Variants in GALNT13 observed in about 807,000 individuals in gnomAD.
The protein encoded by GALNT13 is UDP-GalNAc:polypeptide N-acetylgalactosaminyltransferase 13.
In GALNT13, 28 loss-of-function variants were observed where a neutral mutation model predicts 64.2. The observed-to-expected ratio is 0.44, with a 90% CI of 0.32 to 0.60. GALNT13 has a LOEUF of 0.60. GALNT13 is among the 20% of genes least tolerant of loss of function. The pLI, the probability that GALNT13 is intolerant of heterozygous loss-of-function variation, is 0.05. For missense variants in GALNT13, 577 were observed against 669.8 expected (o/e 0.86, Z 1.53); for synonymous variants, 214 against 224.6 (o/e 0.95, Z 0.42).
chr2:153,114,264 GC>G, the GALNT13 span, among the ~76,000 whole-genome samples: 1 of 152,084 alleles, frequency 6.6e-6, no homozygotes, highest in Non-Finnish European at 1.5e-5. Context: ...CCTCTCTGGA[GC>G]TGTGACTTCT....
chr2:153,719,770 C>G, the GALNT13 span, among the ~76,000 whole-genome samples: 2 of 151,554 alleles, frequency 1.3e-5, no homozygotes, highest in East Asian at 3.9e-4. Flanking sequence ...AAAAACGGCG[C>G]ACCACGAGAC....
In GALNT13 at chr2:153,926,796, G is replaced by A. The variant is rs114433468; in HGVS notation, c.-104-17598G>A. Among the ~76,000 whole-genome samples, 787 of 152,132 alleles carry A rather than the reference G, an allele frequency of 5.2e-3. 10 individuals are homozygous for A. Among genetic ancestry groups the A allele is most frequent in the African/African-American group, 0.017 (724 of 41,518 alleles). ...ATCAGATGAGTCAGAAATTTAGTCC[G>A]TATCACTATTATTGGTGATTTTCTT... On this transcript the variant is annotated intron_variant, in intron 2 of 12. Transcript: ENST00000392825.
intron 1 of GALNT13, among the ~76,000 whole-genome samples, chr2:153,878,755 C>A (rs1686569219): frequency 6.6e-6 from 1 of 152,160 alleles, no homozygotes; most frequent in South Asian, 2.1e-4. Flanking sequence ...ATTTTTACTT[C>A]TTTGCCTTGG....
chr2:154,081,203 A>G (rs1161686471), intron 3 of GALNT13, among the ~76,000 whole-genome samples: 1 of 151,428 alleles, frequency 6.6e-6, no homozygotes, highest in African/African-American at 2.4e-5. Context: ...CTCGTTGCTA[A>G]TCTCCACCCT....
chr2:154,173,110 G>A (rs537093832), intron 4 of GALNT13, among the ~76,000 whole-genome samples: 6 of 152,008 alleles, frequency 3.9e-5, no homozygotes, highest in South Asian at 2.1e-4. Context: ...AATCAGCATG[G>A]TATTGGCATT....
At chr2:153,525,137 C>T in the GALNT13 span, among the ~76,000 whole-genome samples, 1 of 152,208 alleles carries the variant, frequency 6.6e-6, no homozygotes, top group African/African-American at 2.4e-5. Context: ...TTCCTAGACA[C>T]AATCCTTGGC....
chr2:153,425,153 A>G, the GALNT13 span, among the ~76,000 whole-genome samples: 98 of 151,860 alleles, frequency 6.5e-4, no homozygotes, highest in Non-Finnish European at 1.2e-3. Context: ...AATAGTATTT[A>G]TAAGGTGTGA....
chr2:153,510,579 A>C, the GALNT13 span, among the ~76,000 whole-genome samples: 1 of 152,202 alleles, frequency 6.6e-6, no homozygotes, highest in African/African-American at 2.4e-5. Context: ...GCCTGGCGGC[A>C]CATTAGAATC....
rs4034904 is a variant in GALNT13 at position 153,879,357 on chromosome 2, C to CGTGTGTGT, written c.-177+7072_-177+7079dup. Reference sequence around the variant, plus strand: ...TTGATAAAATAATTAAAACTACCTACGTGTGTGTGTGTGTGTGTGTGTGTG... The same window carrying CGTGTGTGT: ...TTGATAAAATAATTAAAACTACCTACGTGTGTGTGTGTGTGTGTGTGTGTGTGTGTGTG... On this transcript the variant is annotated intron_variant, in intron 1 of 12. Coordinates refer to ENST00000392825, the MANE Select transcript of GALNT13 (RefSeq NM_052917.4). Among the ~76,000 whole-genome samples the CGTGTGTGT allele has an allele frequency of 2.0e-5, 3 of 148,446 alleles. No homozygotes were observed. The East Asian group carries it at 6.0e-4, about 30-fold the overall frequency.
chr2:153,836,907 T>C, the GALNT13 span, among the ~76,000 whole-genome samples: 2 of 152,132 alleles, frequency 1.3e-5, no homozygotes, highest in Non-Finnish European at 2.9e-5. Context: ...CAGTCTATCA[T>C]TGTTGGACAT....
the GALNT13 span, among the ~76,000 whole-genome samples, chr2:153,601,939 T>C: frequency 6.6e-6 from 1 of 151,930 alleles, no homozygotes; most frequent in African/African-American, 2.4e-5. Context: ...GGTGAATCGC[T>C]TGACTCATTC....
the GALNT13 span, among the ~76,000 whole-genome samples, chr2:153,623,400 A>G: frequency 6.6e-6 from 1 of 152,076 alleles, no homozygotes; most frequent in Admixed American, 6.6e-5. Flanking sequence ...TGTTTCCTTT[A>G]CTGTGGCACT....
intron 3 of GALNT13, among the ~76,000 whole-genome samples, chr2:154,110,670 T>C (rs1268674830): frequency 1.3e-5 from 2 of 151,862 alleles, no homozygotes; most frequent in African/African-American, 4.8e-5. Context: ...TAAGGGTGGG[T>C]CTGCCTTCTC....
chr2:153,227,218 A>C, the GALNT13 span, among the ~76,000 whole-genome samples: 2 of 152,210 alleles, frequency 1.3e-5, no homozygotes, highest in African/African-American at 4.8e-5. Context: ...ATAATTCTCC[A>C]ATCTGTCATA....
At chr2:154,088,414 T>C (rs1004072084) in intron 3 of GALNT13, among the ~76,000 whole-genome samples, 11 of 152,182 alleles carry the variant, frequency 7.2e-5, no homozygotes, top group Non-Finnish European at 5.9e-5. Flanking sequence ...TAATCATTTC[T>C]ATATACAGTT....
At chr2:153,989,429 T>C (rs1313057046) in intron 3 of GALNT13, among the ~76,000 whole-genome samples, 3 of 151,980 alleles carry the variant, frequency 2.0e-5, no homozygotes, top group Admixed American at 2.0e-4. Context: ...AATCATGATA[T>C]ATATGTGGTC....
At chr2:153,164,665 G>A in the GALNT13 span, among the ~76,000 whole-genome samples, 2 of 151,716 alleles carry the variant, frequency 1.3e-5, no homozygotes, top group Non-Finnish European at 2.9e-5. Flanking sequence ...TTTGTGTTTT[G>A]TGTGTGTATG....
the GALNT13 span, among the ~76,000 whole-genome samples, chr2:153,586,522 C>T: frequency 6.6e-6 from 1 of 152,142 alleles, no homozygotes; most frequent in Non-Finnish European, 1.5e-5. Context: ...CACTAGAGCA[C>T]ACAGATTTGC....
At chr2:154,259,430 C>T (rs563684294) in intron 8 of GALNT13, among the ~76,000 whole-genome samples, 10 of 152,222 alleles carry the variant, frequency 6.6e-5, no homozygotes, top group African/African-American at 1.2e-4. Context: ...TTTTTAATAA[C>T]GTGTTGCTCT....
Sources: allele counts gnomAD v4.1 joint callset (sites outside exome capture counted in the v4.1 genomes callset), GRCh38; gene constraint gnomAD v4.1.1; transcripts MANE v1.5; gene names NCBI Gene and HGNC (gene_info 2026-07-23, HGNC 2026-07-21).